The following ADGB variants were observed in gnomAD, a reference collection of about 807,000 sequenced individuals.
ADGB encodes the protein androglobin, also known as calpain-7-like protein.
A neutral mutation model predicts 210.5 loss-of-function variants in ADGB; 172 were observed. The ratio of observed to expected loss-of-function variants is 0.82; its 90% CI spans 0.72 to 0.93. The LOEUF (loss-of-function observed/expected upper bound fraction) is 0.93, where lower values mean the gene tolerates loss of function less well. Among genes scored for constraint, ADGB ranks in the 40% least tolerant of loss-of-function variants. ADGB has a pLI of 0.00. For missense variants in ADGB, 2,025 were observed against 1,964.8 expected, an observed-to-expected ratio of 1.03 and a Z score of -0.58; for synonymous variants, 658 against 662.7, an observed-to-expected ratio of 0.99 and a Z score of 0.11.
intron 1 of ADGB, among the ~76,000 whole-genome samples, chr6:146,621,362 G>A (rs1214493747): frequency 6.6e-6 from 1 of 152,052 alleles, no homozygotes; most frequent in Non-Finnish European, 1.5e-5. Flanking sequence ...TGTGATTAGT[G>A]CCCAGTTCAT....
intron 6 of ADGB, among the ~76,000 whole-genome samples, chr6:146,664,671 A>C (rs900236327): frequency 2.0e-5 from 3 of 152,076 alleles, no homozygotes; most frequent in Non-Finnish European, 2.9e-5. Flanking sequence ...ATATTGGTTC[A>C]TCTAAATACT....
chr6:146,786,908 T>A (rs1349928981), intron 32 of ADGB, among the ~76,000 whole-genome samples: 2 of 152,094 alleles, frequency 1.3e-5, no homozygotes, highest in Non-Finnish European at 2.9e-5. Flanking sequence ...TCCAGGCTAC[T>A]GAAGTAGGAG....
In ADGB at chr6:146,715,400, G is replaced by A. The variant is rs975474315; in HGVS notation, c.1726G>A (p.Val576Ile). ...TTCATAGGGAAATACTGCTTCACAA[G>A]TTATACTTGGAAAAGGTAAATTAAT... is the stretch of plus-strand genomic sequence containing the variant. ...ATSQGNTASQ[V>I]ILGKGTDEQT... The change falls in exon 14 of 36, where the codon GTT (valine) becomes ATT (isoleucine). Residue 576 changes from valine to isoleucine, a missense_variant. Transcript: ENST00000397944. The A allele has an allele frequency of 1.3e-6, 2 of 1,495,312 alleles. No homozygotes were observed. Among genetic ancestry groups the A allele is most frequent in the Admixed American group, 2.7e-5 (1 of 37,664 alleles). 92.6% of individuals were successfully genotyped at this position (1,495,312 alleles called of 1,614,324 possible).
intron 4 of ADGB, among the ~76,000 whole-genome samples, chr6:146,654,446 G>A (rs966474888): frequency 3.3e-5 from 5 of 150,750 alleles, no homozygotes; most frequent in Admixed American, 2.0e-4. Context: ...TCAACCTCCC[G>A]GGCTAAAAAT....
chr6:146,791,922 T>TA (rs1491404827), intron 33 of ADGB, among the ~76,000 whole-genome samples: 1 of 21,976 alleles, frequency 4.6e-5, no homozygotes, highest in Admixed American at 6.9e-4. Flanking sequence ...TGCACCTTGC[T>TA]TTTTTTTTTT....
chr6:146,766,496 G>A (rs976522802), intron 28 of ADGB, among the ~76,000 whole-genome samples: 1 of 149,054 alleles, frequency 6.7e-6, no homozygotes, highest in Non-Finnish European at 1.5e-5. Flanking sequence ...TGGGGGTGAG[G>A]GGGAAACACA....
intron 28 of ADGB, among the ~76,000 whole-genome samples, chr6:146,765,757 T>C (rs1275391392): frequency 6.6e-6 from 1 of 151,752 alleles, no homozygotes; most frequent in Non-Finnish European, 1.5e-5. Flanking sequence ...ACAATGCAGC[T>C]TCTAGATTAA....
intron 8 of ADGB, among the ~76,000 whole-genome samples, chr6:146,675,662 T>C (rs1442998453): frequency 6.6e-6 from 1 of 152,050 alleles, no homozygotes; most frequent in Non-Finnish European, 1.5e-5. Flanking sequence ...TGTCTCAGAA[T>C]TGAGACAGAT....
intron 12 of ADGB, among the ~76,000 whole-genome samples, chr6:146,696,003 A>G (rs1776396456): frequency 6.6e-6 from 1 of 152,170 alleles, no homozygotes; most frequent in Non-Finnish European, 1.5e-5. Context: ...CATGACAAAT[A>G]TACTAAAATT....
intron 35 of ADGB, among the ~76,000 whole-genome samples, chr6:146,814,217 G>T (rs767004736): frequency 4.6e-5 from 7 of 152,182 alleles, no homozygotes; most frequent in Non-Finnish European, 8.8e-5. Flanking sequence ...AACATTTCTT[G>T]ATAAATTCAA....
intron 10 of ADGB, among the ~76,000 whole-genome samples, chr6:146,690,144 G>A (rs913029459): frequency 3.9e-5 from 6 of 152,036 alleles, no homozygotes; most frequent in Admixed American, 6.6e-5. Context: ...CTCCTACCTC[G>A]GGGCAGATTG....
intron 29 of ADGB, chr6:146,770,431 CG>C (rs1777633270): frequency 3.8e-6 from 1 of 261,252 alleles, no homozygotes; most frequent in South Asian, 3.5e-5. Context: ...TCCATAGCAA[CG>C]CATCACACTG....
At chr6:146,726,922 A>G (rs908715887) in intron 19 of ADGB, among the ~76,000 whole-genome samples, 3 of 152,064 alleles carry the variant, frequency 2.0e-5, no homozygotes, top group African/African-American at 7.2e-5. Context: ...TTAGCAGGGA[A>G]GGAGTAGCTC....
chr6:146,710,597 A>G (rs1379281334), intron 13 of ADGB, among the ~76,000 whole-genome samples: 2 of 152,272 alleles, frequency 1.3e-5, no homozygotes, highest in East Asian at 1.9e-4. Context: ...AGGGCACATC[A>G]TCACATACAG....
chr6:146,659,816 C>G (rs114989446), intron 5 of ADGB, among the ~76,000 whole-genome samples: 1 of 152,034 alleles, frequency 6.6e-6, no homozygotes, highest in African/African-American at 2.4e-5. Context: ...TTCCTTTGGG[C>G]CCCCGAAAGA....
chr6:146,662,612 GT>G (rs1338895979), intron 5 of ADGB, among the ~76,000 whole-genome samples: 2 of 151,826 alleles, frequency 1.3e-5, no homozygotes, highest in East Asian at 3.9e-4. Flanking sequence ...TGTCATTTTG[GT>G]TTTGTGGCCT....
At chr6:146,763,471 CCATTTT>C (rs760575283) in intron 27 of ADGB, among the ~76,000 whole-genome samples, 1 of 151,930 alleles carries the variant, frequency 6.6e-6, no homozygotes, top group Admixed American at 6.6e-5. Flanking sequence ...CACCACATTT[CCATTTT>C]TAAACCTATC....
chr6:146,806,856 C>T lies in ADGB; in HGVS notation c.4818+4845C>T, dbSNP rs200028959. On this transcript the variant is annotated intron_variant, in intron 35 of 35. Coordinates refer to ENST00000397944, the MANE Select transcript of ADGB (RefSeq NM_024694.4). ...TCAGTTGATCCAGGAGGAGAGCGTG[C>T]GGTTAAGCAAGAATAAGAACAGTAA... Among the ~76,000 whole-genome samples the T allele has an allele frequency of 3.3e-5, 5 of 152,172 alleles. No individual in the cohort carries two copies. In the East Asian group the frequency reaches 5.8e-4, roughly 18 times the overall value.
chr6:146,813,075 C>A (rs1447619607), intron 35 of ADGB, among the ~76,000 whole-genome samples: 1 of 152,138 alleles, frequency 6.6e-6, no homozygotes. Flanking sequence ...ACCTGTCTCG[C>A]AGAAAATCCT....
Sources: gnomAD v4.1 joint callset for allele counts (sites outside exome capture counted in the v4.1 genomes callset) on GRCh38, gnomAD v4.1.1 for gene constraint, MANE v1.5 for transcripts, NCBI Gene and HGNC (gene_info 2026-07-23, HGNC 2026-07-21) for gene names.